BCKDHB: variants seen among roughly 807,000 people sequenced by gnomAD.
BCKDHB encodes the protein 2-oxoisovalerate dehydrogenase subunit beta, mitochondrial.
In BCKDHB, 41 loss-of-function variants were observed where a neutral mutation model predicts 48.5. The observed-to-expected ratio is 0.85, with a 90% CI of 0.66 to 1.10. BCKDHB has a LOEUF of 1.10. Ranked by LOEUF, BCKDHB falls within the 50% of genes least tolerant of loss-of-function variation. BCKDHB has a pLI of 0.00. For missense variants in BCKDHB, 496 were observed against 494.2 expected (o/e 1.00, Z -0.03); for synonymous variants, 201 against 174.8 (o/e 1.15, Z -1.18).
At chr6:80,443,008 T>C in the BCKDHB span, among the ~76,000 whole-genome samples, 2 of 152,136 alleles carry the variant, frequency 1.3e-5, no homozygotes, top group African/African-American at 4.8e-5. Context: ...GAGATATCAG[T>C]GTGTGGCTGG....
rs866837708 is a variant in BCKDHB, at chr6:80,220,216, A to C, written c.951+17004A>C. Among the ~76,000 whole-genome samples the C allele has an allele frequency of 7.9e-5, 11 of 138,542 alleles. No homozygotes were observed. In the Middle Eastern group the frequency reaches 0.02, roughly 254 times the overall value. The allele number at this position is 138,542 out of a possible 152,430, so 90.9% of individuals were successfully genotyped here. ...TTACAGTGTTTTGCATATTTCCTTTATTGTATCATTTAATTTTTTTTGAAT... is the reference window on the plus strand; with the variant it reads ...TTACAGTGTTTTGCATATTTCCTTTCTTGTATCATTTAATTTTTTTTGAAT... On this transcript the variant is annotated intron_variant, in intron 8 of 9. Coordinates refer to ENST00000320393, the MANE Select transcript of BCKDHB (RefSeq NM_183050.4).
chr6:80,254,457 A>C (rs1776965875), intron 8 of BCKDHB, among the ~76,000 whole-genome samples: 1 of 152,106 alleles, frequency 6.6e-6, no homozygotes, highest in South Asian at 2.1e-4. Flanking sequence ...GCACTTTGAG[A>C]GGCCGAAGCA....
At chr6:80,370,519 A>G in the BCKDHB span, among the ~76,000 whole-genome samples, 1 of 152,022 alleles carries the variant, frequency 6.6e-6, no homozygotes, top group Non-Finnish European at 1.5e-5. Context: ...CATACACTGT[A>G]CCCAATGTGT....
intron 1 of BCKDHB, among the ~76,000 whole-genome samples, chr6:80,109,047 C>T (rs942457771): frequency 3.9e-5 from 6 of 152,164 alleles, no homozygotes; most frequent in African/African-American, 1.4e-4. Context: ...TTATAACCTT[C>T]TTGAGAATTT....
the BCKDHB span, among the ~76,000 whole-genome samples, chr6:80,413,923 C>T: frequency 3.4e-3 from 523 of 152,154 alleles, 6 homozygotes; most frequent in African/African-American, 0.012. Flanking sequence ...ACGAATGTTG[C>T]CTAGGCATTC....
intron 6 of BCKDHB, among the ~76,000 whole-genome samples, chr6:80,184,593 T>TCA (rs1773556926): frequency 6.6e-6 from 1 of 152,204 alleles, no homozygotes; most frequent in Non-Finnish European, 1.5e-5. Flanking sequence ...TTTCAAGATT[T>TCA]AGAACTCCTT....
chr6:80,400,941 A>G, the BCKDHB span, among the ~76,000 whole-genome samples: 1 of 152,030 alleles, frequency 6.6e-6, no homozygotes, highest in African/African-American at 2.4e-5. Context: ...GGAGGTCATT[A>G]TCCTTAGCAA....
chr6:80,380,402 G>A, the BCKDHB span, among the ~76,000 whole-genome samples: 1 of 151,920 alleles, frequency 6.6e-6, no homozygotes, highest in Non-Finnish European at 1.5e-5. Context: ...GATAAAGCTG[G>A]ATCCCTCTCT....
intron 1 of BCKDHB, among the ~76,000 whole-genome samples, chr6:80,107,417 GTGTGTA>G (rs200330974): frequency 4.2e-3 from 342 of 82,150 alleles, no homozygotes; most frequent in South Asian, 0.014. Context: ...TACAGAAATT[GTGTGTA>G]TGTGTGTGTG....
chr6:80,427,670 G>A, the BCKDHB span, among the ~76,000 whole-genome samples: 10 of 151,624 alleles, frequency 6.6e-5, no homozygotes, highest in Non-Finnish European at 1.5e-4. Context: ...TTTAATTTTT[G>A]TTCTTTTGGT....
the BCKDHB span, among the ~76,000 whole-genome samples, chr6:80,430,744 A>G: frequency 6.6e-6 from 1 of 151,882 alleles, no homozygotes; most frequent in Non-Finnish European, 1.5e-5. Flanking sequence ...CAGTCTATCT[A>G]TTTTGTTGAT....
chr6:80,430,186 G>A, the BCKDHB span, among the ~76,000 whole-genome samples: 2 of 152,152 alleles, frequency 1.3e-5, no homozygotes, highest in African/African-American at 2.4e-5. Flanking sequence ...TGCATATGTT[G>A]AACCAGCCTT....
intron 3 of BCKDHB, among the ~76,000 whole-genome samples, chr6:80,167,222 T>G (rs1331721352): frequency 6.6e-6 from 1 of 152,120 alleles, no homozygotes; most frequent in Non-Finnish European, 1.5e-5. Context: ...TTAGGTTTTT[T>G]ATTGTCTATT....
rs9448905 is a variant in BCKDHB, at chr6:80,178,829, G to A, written c.742+7439G>A. Among the ~76,000 whole-genome samples the A allele has an allele frequency of 2.7e-3, 418 of 152,238 alleles. 3 individuals carry two copies. Among genetic ancestry groups the A allele is most frequent in the African/African-American group, 9.5e-3 (394 of 41,554 alleles). On this transcript the variant is annotated intron_variant, in intron 6 of 9. Transcript: ENST00000320393. ...GCTCAAGCTCACAGAAATAATGAGC[G>A]ATGGATTTAAGTTTTAAACCAAGAC...
chr6:80,355,652 T>C, the BCKDHB span: 1 of 143,106 alleles, frequency 7.0e-6, no homozygotes, highest in Non-Finnish European at 1.5e-5. Context: ...AATAGTATTT[T>C]TTTAAAAAAA....
At chr6:80,188,561 C>A (rs534290555) in intron 6 of BCKDHB, among the ~76,000 whole-genome samples, 1 of 152,120 alleles carries the variant, frequency 6.6e-6, no homozygotes, top group African/African-American at 2.4e-5. Flanking sequence ...ATCACTCGAG[C>A]CTGGGAGGTG....
chr6:80,127,739 A>AT, intron 2 of BCKDHB, 115 bp downstream of exon 2: 1 of 987,690 alleles, frequency 1.0e-6, no homozygotes, highest in Non-Finnish European at 1.6e-6. Flanking sequence ...TGACATTTTC[A>AT]AAGGTATGAT....
intron 8 of BCKDHB, among the ~76,000 whole-genome samples, 160 bp from the exon 9 acceptor site, chr6:80,272,975 G>A (rs1562193621): frequency 6.6e-6 from 1 of 152,048 alleles, no homozygotes; most frequent in East Asian, 1.9e-4. Context: ...TGACTGACCT[G>A]TCGAAAGCGA....
At chr6:80,282,004 G>T (rs1286667049) in intron 9 of BCKDHB, among the ~76,000 whole-genome samples, 1 of 152,070 alleles carries the variant, frequency 6.6e-6, no homozygotes, top group Non-Finnish European at 1.5e-5. Context: ...TGCATAAAAT[G>T]GAAATTTTTG....
Sources: gnomAD v4.1 joint callset for allele counts (sites outside exome capture counted in the v4.1 genomes callset) on GRCh38, gnomAD v4.1.1 for gene constraint, MANE v1.5 for transcripts, NCBI Gene and HGNC (gene_info 2026-07-23, HGNC 2026-07-21) for gene names.